DDB1: variants seen among roughly 807,000 people sequenced by gnomAD.
DDB1 encodes damage specific DNA binding protein 1, also known as DNA damage-binding protein 1.
Under a neutral mutation model 133.1 loss-of-function variants are expected in DDB1, and 18 were observed. The ratio of observed to expected loss-of-function variants is 0.14; its 90% CI spans 0.09 to 0.20. DDB1 has a LOEUF of 0.20. DDB1 is among the 10% of genes least tolerant of loss of function. The pLI, the probability that DDB1 is intolerant of heterozygous loss-of-function variation, is 1.00. For missense variants in DDB1, 828 were observed against 1,459.2 expected, an observed-to-expected ratio of 0.57 and a Z score of 7.05; for synonymous variants, 580 against 550.5, an observed-to-expected ratio of 1.05 and a Z score of -0.75.
At chr11:61,308,905 C>T in intron 21 of DDB1, 78 bp downstream of exon 21, 2 of 1,414,766 alleles carry the variant, frequency 1.4e-6, no homozygotes, top group Non-Finnish European at 2.0e-6. Context: ...ACACGTGGCC[C>T]CAGACAACCT....
chr11:61,319,676 C>G (rs1297261846), intron 10 of DDB1, among the ~76,000 whole-genome samples: 1 of 152,130 alleles, frequency 6.6e-6, no homozygotes, highest in African/African-American at 2.4e-5. Flanking sequence ...GTGATCTGCC[C>G]GCCTCGGCCT....
intron 16 of DDB1, among the ~76,000 whole-genome samples, chr11:61,312,841 C>G (rs544970796): frequency 1.9e-4 from 29 of 152,150 alleles, no homozygotes; most frequent in African/African-American, 7.0e-4. Flanking sequence ...TCCGGTGATC[C>G]ACCCACCTCA....
chr11:61,303,016 C>T (rs1396301049), intron 23 of DDB1, 30 bp downstream of exon 23: 4 of 1,595,478 alleles, frequency 2.5e-6, no homozygotes, highest in East Asian at 2.2e-5. Flanking sequence ...CCAGCCCTCC[C>T]CACCACTCCC....
chr11:61,326,298 A>G (rs1856269083), intron 5 of DDB1: 1 of 234,936 alleles, frequency 4.3e-6, no homozygotes, highest in Admixed American at 5.3e-5. Context: ...GATAAGCTCT[A>G]TTGCTCCCTT....
chr11:61,302,569 G>C lies in DDB1; in HGVS notation c.3112+13C>G, dbSNP rs578248490. On this transcript the variant is annotated intron_variant, in intron 24 of 26. Transcript: ENST00000301764. ...GGCCTGTGTGGGGGTGTGCCCCACA[G>C]GGGTGACCTTACCTATCATGCCGTT... 1.9e-6 allele frequency: 3 copies of C among 1,614,098 alleles called. No homozygotes were observed. The highest frequency in any genetic ancestry group is 2.5e-6 in the Non-Finnish European group (3 of 1,179,968).
chr11:61,330,604 T>C lies in DDB1; in HGVS notation c.211-530A>G, dbSNP rs917246576. Among the ~76,000 whole-genome samples, 3 of 152,338 alleles carry C rather than the reference T, an allele frequency of 2.0e-5. 1 individual carries two copies. The Middle Eastern group carries it at 0.01, about 518-fold the overall frequency. ...ACAACATAAAGCAATGTGGTGGTGA[T>C]TTGGATGAAAACATTTGCGCTAAAA... On this transcript the variant is annotated intron_variant, in intron 2 of 26. Coordinates refer to ENST00000301764, the MANE Select transcript of DDB1 (RefSeq NM_001923.5).
intron 16 of DDB1, 72 bp from the exon 17 acceptor site, chr11:61,312,156 G>T: frequency 1.4e-6 from 2 of 1,380,490 alleles, no homozygotes; most frequent in Non-Finnish European, 2.1e-6. Flanking sequence ...CAACTCCACA[G>T]AGGAAGAAAA....
intron 1 of DDB1, 37 bp downstream of exon 1, chr11:61,332,871 C>T: frequency 5.5e-6 from 8 of 1,454,034 alleles, no homozygotes; most frequent in Non-Finnish European, 6.4e-6. Context: ...CCCCCAACTC[C>T]CTCACTCGCC....
intron 26 of DDB1, among the ~76,000 whole-genome samples, chr11:61,300,438 C>T: frequency 6.6e-6 from 1 of 152,164 alleles, no homozygotes; most frequent in East Asian, 1.9e-4. Context: ...TTCTGCTATC[C>T]CCGAGACACC....
At chr11:61,331,002 T>G (rs1388401282) in intron 2 of DDB1, among the ~76,000 whole-genome samples, 1 of 152,190 alleles carries the variant, frequency 6.6e-6, no homozygotes, top group Non-Finnish European at 1.5e-5. Flanking sequence ...TGATAGGCCC[T>G]ATGTTACTGA....
intron 12 of DDB1, chr11:61,315,308 CTG>C (rs914335005): frequency 1.3e-5 from 2 of 152,196 alleles, no homozygotes; most frequent in Non-Finnish European, 2.9e-5. Flanking sequence ...GTTGGTGACA[CTG>C]TTATCTATTC....
chr11:61,319,197 C>A (rs949331253), intron 10 of DDB1, among the ~76,000 whole-genome samples: 1 of 152,116 alleles, frequency 6.6e-6, no homozygotes, highest in Non-Finnish European at 1.5e-5. Context: ...CAGAGTGAGA[C>A]CCTATCTCAA....
intron 8 of DDB1, 194 bp from the exon 9 acceptor site, chr11:61,322,606 C>A: frequency 1.7e-6 from 1 of 579,520 alleles, no homozygotes; most frequent in Non-Finnish European, 3.1e-6. Context: ...CATTAATCAG[C>A]CAAGGATTGC....
At chr11:61,325,896 C>T (rs1856262016) in intron 5 of DDB1, 188 bp from the exon 6 acceptor site, 3 of 666,922 alleles carry the variant, frequency 4.5e-6, no homozygotes, top group Admixed American at 4.3e-5. Context: ...TGGCCATTAT[C>T]TAATCCTGGT....
chr11:61,317,021 T>G (rs1248269058), intron 10 of DDB1, among the ~76,000 whole-genome samples: 1 of 117,704 alleles, frequency 8.5e-6, no homozygotes, highest in East Asian at 2.9e-4. Context: ...CTGACACCAC[T>G]GGAAGGGCTG....
chr11:61,324,198 C>T, intron 6 of DDB1, 61 bp from the exon 7 acceptor site: 1 of 1,589,492 alleles, frequency 6.3e-7, no homozygotes, highest in East Asian at 2.2e-5. Context: ...GAAAACAAAC[C>T]CTACTGGACC....
At chr11:61,332,651 G>T (rs922147610) in intron 1 of DDB1, 13 of 387,556 alleles carry the variant, frequency 3.4e-5, no homozygotes, top group Non-Finnish European at 6.0e-5. Context: ...TGTCTCACTG[G>T]GCCCGCCCTG....
chr11:61,313,845 CA>C lies in DDB1; in HGVS notation c.1861+16del. ...TCTATTTTTGAAAGAGTCCCTCACT[CA>C]AAATACTACTCTCACCTGTCTCAAT... On this transcript the variant is annotated intron_variant, in intron 15 of 26. Coordinates refer to ENST00000301764, the MANE Select transcript of DDB1 (RefSeq NM_001923.5). The C allele has an allele frequency of 6.2e-7, 1 of 1,613,668 alleles. No individual in the cohort carries two copies. Among genetic ancestry groups the C allele is most frequent in the Non-Finnish European group, 8.5e-7 (1 of 1,179,644 alleles).
intron 12 of DDB1, 154 bp downstream of exon 12, chr11:61,316,131 T>G: frequency 3.0e-6 from 2 of 665,428 alleles, no homozygotes; most frequent in South Asian, 3.8e-5. Context: ...AGTTGTGATC[T>G]CTGAGTAGTG....
Sources: gnomAD v4.1 joint callset for allele counts (sites outside exome capture counted in the v4.1 genomes callset) on GRCh38, gnomAD v4.1.1 for gene constraint, MANE v1.5 for transcripts, NCBI Gene and HGNC (gene_info 2026-07-23, HGNC 2026-07-21) for gene names.